JAM2: variants seen among roughly 807,000 people sequenced by gnomAD.
JAM2 encodes the protein junctional adhesion molecule 2, also known as junctional adhesion molecule B.
Under a neutral mutation model 42.0 loss-of-function variants are expected in JAM2, and 17 were observed. The observed-to-expected ratio is 0.40, with a 90% confidence interval of 0.28 to 0.61. The LOEUF (loss-of-function observed/expected upper bound fraction) is 0.61. Among genes scored for constraint, JAM2 ranks in the 20% least tolerant of loss-of-function variants. The probability of loss-of-function intolerance (pLI) is 0.37; values close to 1 mark genes in which losing one functional copy is unlikely to be tolerated. For synonymous variants in JAM2, 118 were observed against 128.6 expected (o/e 0.92, Z 0.56); for missense variants, 319 against 358.3 (o/e 0.89, Z 0.89).
At chr21:25,684,241 G>A (rs1400772172) in intron 2 of JAM2, among the ~76,000 whole-genome samples, 1 of 152,186 alleles carries the variant, frequency 6.6e-6, no homozygotes, top group Non-Finnish European at 1.5e-5. Flanking sequence ...AGCTTGGAAA[G>A]TTTCTAGCCA....
At chr21:25,701,170 A>G (rs2034156709) in intron 5 of JAM2, among the ~76,000 whole-genome samples, 1 of 152,240 alleles carries the variant, frequency 6.6e-6, no homozygotes, top group Non-Finnish European at 1.5e-5. Flanking sequence ...TTAGTCTAAC[A>G]TATTATTTAT....
chr21:25,675,193 G>T (rs1306179519), intron 1 of JAM2, among the ~76,000 whole-genome samples: 8 of 151,996 alleles, frequency 5.3e-5, no homozygotes, highest in Non-Finnish European at 2.9e-5. Context: ...AGAGAAAGTG[G>T]GGAGGTGCTA....
chr21:25,690,168 C>T (rs1386102367), intron 3 of JAM2, among the ~76,000 whole-genome samples, 195 bp downstream of exon 3: 2 of 152,244 alleles, frequency 1.3e-5, no homozygotes, highest in Non-Finnish European at 2.9e-5. Flanking sequence ...GTGAAGCCCA[C>T]TGAATCCCTG....
intron 1 of JAM2, among the ~76,000 whole-genome samples, chr21:25,670,731 G>A (rs2033341273): frequency 6.6e-6 from 1 of 152,280 alleles, no homozygotes; most frequent in Middle Eastern, 3.4e-3. Flanking sequence ...AAAAGAAAAG[G>A]GAAATTGTGG....
rs555139224 is a variant in JAM2, at chr21:25,664,476, T to A, written c.68-19407T>A. Among the ~76,000 whole-genome samples, 12 of 152,206 alleles carry A rather than the reference T, an allele frequency of 7.9e-5. 1 individual carries two copies. In the South Asian group the frequency reaches 2.5e-3, roughly 32 times the overall value. The stretch of plus-strand genomic sequence containing the variant: ...GTCTCGACCTCCTGGCCTTGTGATC[T>A]GCCCACCTCGGCCTCCCAAAGTGCT... On this transcript the variant is annotated intron_variant, in intron 1 of 9. Transcript: ENST00000480456.
intron 7 of JAM2, among the ~76,000 whole-genome samples, chr21:25,709,163 T>C (rs1348635044): frequency 6.6e-6 from 1 of 151,590 alleles, no homozygotes; most frequent in African/African-American, 2.4e-5. Flanking sequence ...ATTATTATAT[T>C]TTTATTTTAT....
At position 25,706,047 on chromosome 21, in the gene JAM2, C is replaced by T. The variant is rs201617935; in HGVS notation, c.766C>T (p.Leu256Phe). 2.5e-6 allele frequency: 4 copies of T among 1,613,574 alleles called. No individual in the cohort carries two copies. Among genetic ancestry groups the T allele is most frequent in the South Asian group, 2.2e-5 (2 of 91,080 alleles). The change falls in exon 7 of 10, where the codon CTT becomes TTT. Residue 256 changes from leucine (L) to phenylalanine (F), a missense_variant. Coordinates refer to ENST00000480456, the MANE Select transcript of JAM2 (RefSeq NM_021219.4). ...VVALVISVCG[L>F]GVCYAQRKGY... Reference sequence around the variant, plus strand: ...GGCCTTAGTGATTTCCGTTTGTGGCCTTGGTGTATGCTATGCTCAGAGGAA... The same window carrying T: ...GGCCTTAGTGATTTCCGTTTGTGGCTTTGGTGTATGCTATGCTCAGAGGAA...
intron 1 of JAM2, among the ~76,000 whole-genome samples, chr21:25,661,824 T>C (rs2123333453): frequency 1.3e-5 from 2 of 152,240 alleles, no homozygotes; most frequent in Middle Eastern, 3.4e-3. Flanking sequence ...GAAAACAAAA[T>C]TATATACTCT....
At chr21:25,701,645 T>A (rs1055130305) in intron 5 of JAM2, among the ~76,000 whole-genome samples, 2 of 152,234 alleles carry the variant, frequency 1.3e-5, no homozygotes, top group Non-Finnish European at 2.9e-5. Flanking sequence ...GTTGATAGAA[T>A]CGACAATCCT....
intron 4 of JAM2, among the ~76,000 whole-genome samples, chr21:25,696,713 C>T (rs1272481318): frequency 1.3e-5 from 2 of 152,060 alleles, no homozygotes; most frequent in African/African-American, 4.8e-5. Flanking sequence ...CTTGGTGTTG[C>T]CAGATTTTGG....
chr21:25,689,975 T>C lies in JAM2; in HGVS notation c.241+2T>C. The C allele has an allele frequency of 6.4e-7, 1 of 1,573,242 alleles. No individual in the cohort carries two copies. The highest frequency in any genetic ancestry group is 8.7e-7 in the Non-Finnish European group (1 of 1,143,370). ...TCTACTATCAACAGACTCTTCAAGG[T>C]AAGCAGCTGTAGGCTTGAAGAGGTG... On this transcript the variant is annotated splice_donor_variant, in intron 3 of 9. Coordinates refer to ENST00000480456, the MANE Select transcript of JAM2 (RefSeq NM_021219.4). LOFTEE classifies it high-confidence loss of function.
At chr21:25,676,286 C>CA (rs397958040) in intron 1 of JAM2, among the ~76,000 whole-genome samples, 20,453 of 60,154 alleles carry the variant, frequency 0.34, 2,506 homozygotes, top group East Asian at 0.51. Flanking sequence ...AGACTCGTCT[C>CA]AAAAAAAAAA....
At chr21:25,676,797 A>T (rs527451042) in intron 1 of JAM2, among the ~76,000 whole-genome samples, 137 of 152,342 alleles carry the variant, frequency 9.0e-4, no homozygotes, top group African/African-American at 3.1e-3. Flanking sequence ...GCTATACCTA[A>T]CATCTGCTAG....
chr21:25,710,109 A>G (rs2034352306), intron 8 of JAM2: 2 of 152,212 alleles, frequency 1.3e-5, no homozygotes, highest in Non-Finnish European at 2.9e-5. Flanking sequence ...AGAGAGAATG[A>G]TGATTACCCA....
intron 1 of JAM2, among the ~76,000 whole-genome samples, chr21:25,682,551 G>A (rs572380801): frequency 6.6e-6 from 1 of 152,338 alleles, no homozygotes; most frequent in African/African-American, 2.4e-5. Context: ...ACAGACAGCT[G>A]CAGGAGCCCA....
At chr21:25,714,016 A>G (rs751731121) in intron 9 of JAM2, among the ~76,000 whole-genome samples, 4 of 152,180 alleles carry the variant, frequency 2.6e-5, no homozygotes, top group African/African-American at 7.2e-5. Context: ...CTTTGGTGTA[A>G]GGTGCTGTCC....
intron 1 of JAM2, among the ~76,000 whole-genome samples, chr21:25,662,025 G>T (rs1397609184): frequency 6.6e-6 from 1 of 152,124 alleles, no homozygotes; most frequent in Non-Finnish European, 1.5e-5. Context: ...TGTAGTTAAG[G>T]TAAGGATAGT....
At chr21:25,680,429 T>C (rs896451485) in intron 1 of JAM2, among the ~76,000 whole-genome samples, 2 of 152,322 alleles carry the variant, frequency 1.3e-5, no homozygotes, top group East Asian at 1.9e-4. Context: ...TGGAAGCTGA[T>C]GAATGAAGGG....
At chr21:25,683,534 T>C (rs999428180) in intron 1 of JAM2, among the ~76,000 whole-genome samples, 1 of 152,184 alleles carries the variant, frequency 6.6e-6, no homozygotes, top group African/African-American at 2.4e-5. Flanking sequence ...TAGCTTTTAT[T>C]TGTGGGGCAA....
Sources: allele counts gnomAD v4.1 joint callset (sites outside exome capture counted in the v4.1 genomes callset), GRCh38; gene constraint gnomAD v4.1.1; transcripts MANE v1.5; gene names NCBI Gene and HGNC (gene_info 2026-07-23, HGNC 2026-07-21).